Variants in GABBR2 observed in about 807,000 individuals in gnomAD.
The protein encoded by GABBR2 is G-protein coupled receptor 51.
GABBR2 carries 23 observed loss-of-function variants against 105.6 expected under a neutral mutation model. The observed-to-expected ratio is 0.22, with a 90% CI of 0.16 to 0.31. The LOEUF (loss-of-function observed/expected upper bound fraction) is 0.31. Among genes scored for constraint, GABBR2 ranks in the 10% least tolerant of loss-of-function variants. The pLI is 1.00. For missense variants in GABBR2, 734 were observed against 1,245.5 expected, an observed-to-expected ratio of 0.59 and a Z score of 6.18; for synonymous variants, 478 against 499.7, an observed-to-expected ratio of 0.96 and a Z score of 0.58.
rs1184728895 is a variant in GABBR2, at chr9:98,454,066, C to T, written c.1151G>A (p.Arg384Gln). Residue 384 changes from arginine to glutamine, a missense_variant, in exon 7 of 19, where the codon CGG becomes CAG. Physicochemically the swap from Arg to Gln is conservative, Grantham distance 43. This residue lies in a region of GABBR2 where 370 missense variants were observed against 648.9 expected (regional missense o/e 0.57). Coordinates refer to ENST00000259455, the MANE Select transcript of GABBR2 (RefSeq NM_005458.8). The surrounding 1 kb of genome is among the most constrained non-coding windows in gnomAD (Gnocchi z 4.6). ...ETLHASSRHQ[R>Q]IQDFNYTDHT... ...GTCCGTGTAGTTGAAGTCCTGGATC[C>T]GCTGGTGCCGGCTGCTGGCATGCAG... 22 of 1,614,170 alleles carry T rather than the reference C, an allele frequency of 1.4e-5. No individual in the cohort carries two copies. Among genetic ancestry groups the T allele is most frequent in the Middle Eastern group, 1.6e-4 (1 of 6,062 alleles).
At chr9:98,576,929 T>TGGATGGATGGATGGATGGATGGAA (rs1554718754) in intron 2 of GABBR2, among the ~76,000 whole-genome samples, 34 of 149,890 alleles carry the variant, frequency 2.3e-4, no homozygotes, top group African/African-American at 7.9e-4. Context: ...GATGGATGGA[T>TGGATGGATGGATGGATGGATGGAA]GGATGGATGG....
chr9:98,420,118 A>G (rs1812869342), intron 7 of GABBR2, among the ~76,000 whole-genome samples: 2 of 151,846 alleles, frequency 1.3e-5, no homozygotes, highest in Admixed American at 1.3e-4. Flanking sequence ...GATGAAGGGA[A>G]AGGAAGGGCA....
At chr9:98,522,598 T>C (rs1161124617) in intron 3 of GABBR2, among the ~76,000 whole-genome samples, 1 of 152,176 alleles carries the variant, frequency 6.6e-6, no homozygotes, top group Non-Finnish European at 1.5e-5. Flanking sequence ...CTTAGATAAC[T>C]TGTCATTCAT....
chr9:98,326,998 GAACTCT>G (rs1830935729), intron 13 of GABBR2, among the ~76,000 whole-genome samples: 1 of 152,218 alleles, frequency 6.6e-6, no homozygotes, highest in East Asian at 1.9e-4. Context: ...AGGCCTCGAT[GAACTCT>G]GGAGATTTGC....
chr9:98,607,406 C>A, intron 1 of GABBR2: 1 of 647,242 alleles, frequency 1.5e-6, no homozygotes, highest in Non-Finnish European at 2.8e-6. Flanking sequence ...CACTTATTGC[C>A]ACAGAAGACA....
At chr9:98,360,500 C>A (rs934046650) in intron 13 of GABBR2, among the ~76,000 whole-genome samples, 9 of 152,200 alleles carry the variant, frequency 5.9e-5, no homozygotes, top group Admixed American at 4.6e-4. Flanking sequence ...CTTGGACAAT[C>A]TGGGTGACCC....
At chr9:98,403,680 A>T (rs896845546) in intron 8 of GABBR2, among the ~76,000 whole-genome samples, 2 of 152,050 alleles carry the variant, frequency 1.3e-5, no homozygotes, top group Non-Finnish European at 2.9e-5. Flanking sequence ...GGGAAACCTG[A>T]ATTTGCCCCA....
chr9:98,351,612 T>C (rs989820974), intron 13 of GABBR2, among the ~76,000 whole-genome samples: 5 of 152,224 alleles, frequency 3.3e-5, no homozygotes, highest in Admixed American at 6.5e-5. Context: ...AGCTCTCAAT[T>C]GTGTTTTTAA....
intron 12 of GABBR2, among the ~76,000 whole-genome samples, chr9:98,368,331 T>C (rs1458140719): frequency 6.6e-6 from 1 of 151,084 alleles, no homozygotes; most frequent in Non-Finnish European, 1.5e-5. Flanking sequence ...AAAGAAACTT[T>C]AAAAAGTTAA....
At chr9:98,689,074 T>C (rs1374472160) in intron 1 of GABBR2, among the ~76,000 whole-genome samples, 2 of 152,198 alleles carry the variant, frequency 1.3e-5, no homozygotes, top group African/African-American at 4.8e-5. Flanking sequence ...TCCTATTGTA[T>C]GGCTTTAGCA....
intron 12 of GABBR2, among the ~76,000 whole-genome samples, chr9:98,369,415 G>C (rs1392769998): frequency 6.6e-6 from 1 of 151,924 alleles, no homozygotes; most frequent in Non-Finnish European, 1.5e-5. Flanking sequence ...TGGGTGGGGG[G>C]CCTGAGGAGT....
At chr9:98,405,871 G>C (rs1320488637) in intron 8 of GABBR2, among the ~76,000 whole-genome samples, 3 of 152,164 alleles carry the variant, frequency 2.0e-5, no homozygotes, top group Non-Finnish European at 4.4e-5. Context: ...TGGAACCCAT[G>C]GAGATGGAGG....
intron 1 of GABBR2, among the ~76,000 whole-genome samples, chr9:98,706,925 A>G (rs1483827079): frequency 6.6e-6 from 1 of 152,208 alleles, no homozygotes; most frequent in African/African-American, 2.4e-5. Flanking sequence ...CGAGGGCGAT[A>G]GGAATGTCAT....
At chr9:98,699,282 G>C (rs1485069915) in intron 1 of GABBR2, among the ~76,000 whole-genome samples, 3 of 152,086 alleles carry the variant, frequency 2.0e-5, no homozygotes, top group African/African-American at 7.2e-5. Flanking sequence ...GCATATATTT[G>C]TCAGAGACGA....
At chr9:98,505,948 G>A (rs1588200814) in intron 3 of GABBR2, among the ~76,000 whole-genome samples, 3 of 152,268 alleles carry the variant, frequency 2.0e-5, no homozygotes, top group Admixed American at 1.3e-4. Context: ...TAATACACCT[G>A]GGGCAGGTTC....
At chr9:98,594,819 C>A in intron 1 of GABBR2, among the ~76,000 whole-genome samples, 1 of 152,222 alleles carries the variant, frequency 6.6e-6, no homozygotes, top group Non-Finnish European at 1.5e-5. Context: ...CTAACCATGG[C>A]ACTCGAGGGA....
At chr9:98,323,079 G>C (rs1419202599) in intron 13 of GABBR2, among the ~76,000 whole-genome samples, 1 of 152,130 alleles carries the variant, frequency 6.6e-6, no homozygotes. Context: ...GCTCCGTAAG[G>C]CTGAGTGACC....
At position 98,388,491 on chromosome 9, in the gene GABBR2, C is replaced by T. The variant is rs147127930; in HGVS notation, c.1529+363G>A. Among the ~76,000 whole-genome samples, 16 of 152,268 alleles carry T rather than the reference C, an allele frequency of 1.1e-4. No individual in the cohort carries two copies. Among genetic ancestry groups the T allele is most frequent in the African/African-American group, 3.6e-4 (15 of 41,568 alleles). On this transcript the variant is annotated intron_variant, in intron 10 of 18. Transcript: ENST00000259455. The surrounding 1 kb of genome is among the most constrained non-coding windows in gnomAD (Gnocchi z 4.4). ...TATTCTGTCTTCTATATCTCTCCTC[C>T]TGGACCTCCACAAAGTACAGGAGTA...
chr9:98,427,620 A>C (rs1374444281), intron 7 of GABBR2, among the ~76,000 whole-genome samples: 5 of 152,218 alleles, frequency 3.3e-5, no homozygotes, highest in African/African-American at 1.2e-4. Context: ...TGTAACTTGT[A>C]GGATATGTCT....
Sources: allele counts gnomAD v4.1 joint callset (sites outside exome capture counted in the v4.1 genomes callset), GRCh38; gene constraint gnomAD v4.1.1; regional missense constraint gnomAD v4.1.1; non-coding constraint Gnocchi (gnomAD v3.1); transcripts MANE v1.5; gene names NCBI Gene and HGNC (gene_info 2026-07-23, HGNC 2026-07-21).